Variants in SVEP1 observed in about 807,000 individuals in gnomAD.
SVEP1 encodes sushi, von Willebrand factor type A, EGF and pentraxin domain containing 1.
SVEP1 carries 164 observed loss-of-function variants against 367.3 expected under a neutral mutation model. The ratio of observed to expected loss-of-function variants is 0.45; its 90% CI spans 0.39 to 0.51. The LOEUF (loss-of-function observed/expected upper bound fraction) is 0.51. Among genes scored for constraint, SVEP1 ranks in the 20% least tolerant of loss-of-function variants. The pLI, the probability that SVEP1 is intolerant of heterozygous loss-of-function variation, is 0.00. For synonymous variants in SVEP1, 1,666 were observed against 1,611.6 expected (o/e 1.03, Z -0.81); for missense variants, 4,117 against 4,425.3 (o/e 0.93, Z 1.98).
In SVEP1 at chr9:110,430,219, C is replaced by T. The variant is rs556216144; in HGVS notation, c.5530+55G>A. ...AACATAACACTTCATATGTCTACGCCTTACCTTTCTAGGATTGCCAAACAT... is the reference window on the plus strand; with the variant it reads ...AACATAACACTTCATATGTCTACGCTTTACCTTTCTAGGATTGCCAAACAT... On this transcript the variant is annotated intron_variant, in intron 33 of 47. Transcript: ENST00000374469. The T allele has an allele frequency of 1.9e-6, 3 of 1,541,876 alleles. No individual in the cohort carries two copies. In the Admixed American group the frequency reaches 5.8e-5, roughly 30 times the overall value.
chr9:110,550,336 T>C (rs1460524268), intron 1 of SVEP1, among the ~76,000 whole-genome samples: 1 of 152,188 alleles, frequency 6.6e-6, no homozygotes, highest in African/African-American at 2.4e-5. Flanking sequence ...CTCATCAACA[T>C]TGCTGATGGA....
At chr9:110,543,020 C>A (rs1830172562) in intron 3 of SVEP1, among the ~76,000 whole-genome samples, 1 of 150,424 alleles carries the variant, frequency 6.6e-6, no homozygotes, top group Non-Finnish European at 1.5e-5. Flanking sequence ...GGGCTCACTG[C>A]TTCCAGATTT....
chr9:110,458,643 T>C, intron 19 of SVEP1, 81 bp from the exon 20 acceptor site: 1 of 1,382,398 alleles, frequency 7.2e-7, no homozygotes, highest in Non-Finnish European at 9.9e-7. Context: ...GTCAAGATTC[T>C]GGTTGTCAGA....
At chr9:110,554,159 C>CTA (rs565590171) in intron 1 of SVEP1, among the ~76,000 whole-genome samples, 18 of 151,016 alleles carry the variant, frequency 1.2e-4, no homozygotes, top group Non-Finnish European at 1.5e-4. Flanking sequence ...GTCTCGGCTG[C>CTA]TATAGCTTTA....
In SVEP1 at chr9:110,521,706, G is replaced by A. The variant is rs75366970; in HGVS notation, c.965-7600C>T. Among the ~76,000 whole-genome samples the A allele has an allele frequency of 6.4e-3, 977 of 152,290 alleles. 12 individuals are homozygous for A. The highest frequency in any genetic ancestry group is 0.022 in the African/African-American group (935 of 41,572). On this transcript the variant is annotated intron_variant, in intron 3 of 47. Coordinates refer to ENST00000374469, the MANE Select transcript of SVEP1 (RefSeq NM_153366.4). ...ATTGTCTTAAAGTGTTTACCATCTG[G>A]ATGAGAAAGGTGACATCATCCTGAT...
chr9:110,387,127 T>C (rs1468560715), intron 42 of SVEP1, among the ~76,000 whole-genome samples, 158 bp downstream of exon 42: 1 of 152,146 alleles, frequency 6.6e-6, no homozygotes, highest in Non-Finnish European at 1.5e-5. Flanking sequence ...CACAAACATA[T>C]TTTTAAAATA....
At chr9:110,423,588 A>G (rs1246002863) in intron 36 of SVEP1, among the ~76,000 whole-genome samples, 1 of 152,170 alleles carries the variant, frequency 6.6e-6, no homozygotes, top group Non-Finnish European at 1.5e-5. Flanking sequence ...GTATGATCTT[A>G]GGATATGGAA....
At chr9:110,492,774 G>A (rs949068502) in intron 8 of SVEP1, among the ~76,000 whole-genome samples, 1 of 152,104 alleles carries the variant, frequency 6.6e-6, no homozygotes, top group Non-Finnish European at 1.5e-5. Context: ...GGAAGGGGGT[G>A]CCTACAGAAA....
At chr9:110,503,002 G>A (rs1829559949) in intron 6 of SVEP1, 36 bp downstream of exon 6, 1 of 1,579,544 alleles carries the variant, frequency 6.3e-7, no homozygotes, top group Non-Finnish European at 8.6e-7. Context: ...CAGAGGAAAT[G>A]AATCACTCAA....
At chr9:110,387,105 G>A (rs556339240) in intron 42 of SVEP1, among the ~76,000 whole-genome samples, 180 bp downstream of exon 42, 1 of 152,086 alleles carries the variant, frequency 6.6e-6, no homozygotes, top group Non-Finnish European at 1.5e-5. Context: ...TTCTCAGACA[G>A]GACTTAGATA....
chr9:110,476,216 C>T lies in SVEP1; in HGVS notation c.2587G>A (p.Gly863Ser). The T allele has an allele frequency of 6.2e-7, 1 of 1,609,698 alleles. No individual in the cohort carries two copies. Among genetic ancestry groups the T allele is most frequent in the Non-Finnish European group, 8.5e-7 (1 of 1,176,730 alleles). The change falls in exon 14 of 48, where the codon GGC (glycine) becomes AGC (serine). Residue 863 changes from glycine to serine, a missense_variant. Physicochemically the swap from Gly to Ser is moderately conservative, Grantham distance 56. Transcript: ENST00000374469. ...CLEYNYDYEN[G>S]FAIGPGGWGA... ...AGAATTTAATTACCAATTGCAAAGC[C>T]ATTTTCATAGTCATAATTATATTCT...
Position 110,375,428 on chromosome 9 carries a change from AGCGACCTCC to A in SVEP1, c.10531_10539del (p.Gly3511_Arg3513del). ...CAGTCACACTGGTAAGGGGCCACAC[AGCGACCTCC>A]GTTCAGACAGGGAAGAATGCAGATT... On this transcript the variant is annotated inframe_deletion, in exon 46 of 48. Transcript: ENST00000374469. 7.0e-7 allele frequency: 1 copy of A among 1,434,022 alleles called. No individual in the cohort carries two copies. The highest frequency in any genetic ancestry group is 9.4e-7 in the Non-Finnish European group (1 of 1,064,082). 88.8% of individuals were successfully genotyped at this position (1,434,022 alleles called of 1,614,324 possible).
intron 22 of SVEP1, among the ~76,000 whole-genome samples, chr9:110,453,622 C>T (rs1588061027): frequency 6.6e-6 from 1 of 152,036 alleles, no homozygotes; most frequent in Non-Finnish European, 1.5e-5. Flanking sequence ...AATCCCAGCA[C>T]TTTGGGAGGC....
chr9:110,378,155 T>A (rs975139416), intron 44 of SVEP1, among the ~76,000 whole-genome samples: 1 of 151,120 alleles, frequency 6.6e-6, no homozygotes, highest in Non-Finnish European at 1.5e-5. Flanking sequence ...TCAACATACA[T>A]TTTTTTATCC....
chr9:110,390,287 ATACT>A (rs1827627282), intron 40 of SVEP1, among the ~76,000 whole-genome samples: 1 of 21,198 alleles, frequency 4.7e-5, no homozygotes, highest in Non-Finnish European at 1.1e-4. Flanking sequence ...ATATATATAC[ATACT>A]TATATATACT....
intron 3 of SVEP1, among the ~76,000 whole-genome samples, chr9:110,536,265 CT>C (rs1237294153): frequency 4.6e-5 from 7 of 151,988 alleles, no homozygotes; most frequent in Non-Finnish European, 8.8e-5. Flanking sequence ...TATTGATTTG[CT>C]TATGTTGAAC....
intron 3 of SVEP1, among the ~76,000 whole-genome samples, chr9:110,540,273 G>A (rs375429181): frequency 1.3e-5 from 2 of 152,030 alleles, no homozygotes; most frequent in South Asian, 2.1e-4. Context: ...CTTTTCATTA[G>A]ATCCACAGTT....
intron 17 of SVEP1, among the ~76,000 whole-genome samples, chr9:110,467,286 T>C (rs1380197400): frequency 6.6e-6 from 1 of 152,224 alleles, no homozygotes; most frequent in Non-Finnish European, 1.5e-5. Context: ...GTGCCTGTAG[T>C]TATTCATTTC....
At chr9:110,538,375 G>A (rs942874336) in intron 3 of SVEP1, among the ~76,000 whole-genome samples, 2 of 151,898 alleles carry the variant, frequency 1.3e-5, no homozygotes, top group African/African-American at 4.8e-5. Context: ...GGATATTTTT[G>A]GGGAAAAGAA....
Sources: allele counts gnomAD v4.1 joint callset (sites outside exome capture counted in the v4.1 genomes callset), GRCh38; gene constraint gnomAD v4.1.1; transcripts MANE v1.5; gene names NCBI Gene and HGNC (gene_info 2026-07-23, HGNC 2026-07-21).